SLC20A2: variants seen among roughly 807,000 people sequenced by gnomAD.
The protein encoded by SLC20A2 is sodium-dependent phosphate transporter 2.
In SLC20A2, 30 loss-of-function variants were observed where a neutral mutation model predicts 61.0. That is an observed-to-expected ratio of 0.49 (90% confidence interval 0.37 to 0.67). The LOEUF is 0.67. Ranked by LOEUF, SLC20A2 falls within the 30% of genes least tolerant of loss-of-function variation. The probability of loss-of-function intolerance (pLI) is 0.00; values close to 1 mark genes in which losing one functional copy is unlikely to be tolerated. For missense variants in SLC20A2, 626 were observed against 866.4 expected (o/e 0.72, Z 3.48); for synonymous variants, 351 against 353.3 (o/e 0.99, Z 0.07).
chr8:42,423,398 C>T (rs1803171946), intron 10 of SLC20A2, among the ~76,000 whole-genome samples: 1 of 151,482 alleles, frequency 6.6e-6, no homozygotes, highest in African/African-American at 2.4e-5. Flanking sequence ...CTATGTTGCC[C>T]CAGGCTGGTT....
rs1811302377 is a variant in SLC20A2, at chr8:42,516,022, CTG to C, written c.-265+25797_-265+25798del. On this transcript the variant is annotated intron_variant, in intron 1 of 10. Coordinates refer to the SLC20A2 transcript ENST00000342228. ...GCCAGGACAACTAGTCTAGTGGAGA[CTG>C]TGCTTCCTGAAGCCATAGCGAGGGC... 2.0e-5 allele frequency among the ~76,000 whole-genome samples: 3 copies of C among 152,306 alleles called. No individual in the cohort carries two copies. In the South Asian group the frequency reaches 6.2e-4, roughly 32 times the overall value.
chr8:42,508,974 T>C lies in SLC20A2; in HGVS notation c.-265+32847A>G, dbSNP rs370815189. On this transcript the variant is annotated intron_variant, in intron 1 of 10. Transcript: ENST00000342228. Reference sequence around the variant, plus strand: ...TGCCAGCTTCATCACTTTGTAGTTGTCTTGGGCAATTACTTTCTCACTGTG... The same window carrying C: ...TGCCAGCTTCATCACTTTGTAGTTGCCTTGGGCAATTACTTTCTCACTGTG... Among the ~76,000 whole-genome samples, 40 of 152,334 alleles carry C rather than the reference T, an allele frequency of 2.6e-4. 1 individual carries two copies. In the East Asian group the frequency reaches 6.8e-3, roughly 26 times the overall value.
intron 5 of SLC20A2, among the ~76,000 whole-genome samples, chr8:42,459,082 C>A (rs1212145803): frequency 6.7e-6 from 1 of 148,840 alleles, no homozygotes; most frequent in Non-Finnish European, 1.5e-5. Context: ...ACCAGCCTGG[C>A]CAACATAGTG....
chr8:42,485,155 G>C (rs1808873159), intron 1 of SLC20A2: 1 of 167,506 alleles, frequency 6.0e-6, no homozygotes, highest in Non-Finnish European at 1.3e-5. Flanking sequence ...GAGATGACCA[G>C]GCATCAGAGT....
Position 42,437,643 on chromosome 8 carries a change from G to A in SLC20A2, c.935-66C>T, listed in dbSNP as rs1804398033. On this transcript the variant is annotated intron_variant, in intron 7 of 10. Coordinates refer to ENST00000520262, the MANE Select transcript of SLC20A2 (RefSeq NM_001257180.2). This position sits in a 1 kb window ranked among gnomAD's most constrained non-coding sequence, Gnocchi z 6.4. ...TTTTTTTTTCTTTTCTTTTTGAGAC[G>A]GAGCCTTGCTCTGTCCTCAGGGTGG... 3.0e-6 allele frequency: 4 copies of A among 1,317,370 alleles called. No individual in the cohort carries two copies. Among genetic ancestry groups the A allele is most frequent in the Non-Finnish European group, 4.1e-6 (4 of 983,976 alleles). 81.6% of individuals were successfully genotyped at this position (1,317,370 alleles called of 1,614,324 possible).
At chr8:42,446,807 TA>T (rs1805248796) in intron 5 of SLC20A2, among the ~76,000 whole-genome samples, 1 of 151,932 alleles carries the variant, frequency 6.6e-6, no homozygotes, top group South Asian at 2.1e-4. Flanking sequence ...AGTGGTAACT[TA>T]AAAAATATAT....
Position 42,417,538 on chromosome 8 carries a change from T to C in SLC20A2, c.*265A>G, listed in dbSNP as rs1376497487. On this transcript the variant is annotated 3_prime_UTR_variant, in exon 11 of 11. Transcript: ENST00000520262. ...TTCTATGGATACAATAGATATTTAA[T>C]ATATAAGTAACTGCACCACATTATA... The C allele has an allele frequency of 3.8e-6, 1 of 263,904 alleles. No homozygotes were observed. Among genetic ancestry groups the C allele is most frequent in the East Asian group, 6.6e-5 (1 of 15,122 alleles). 16.3% of individuals were successfully genotyped at this position (263,904 alleles called of 1,614,324 possible). A position where few individuals can be genotyped will look rare whatever the true frequency, so the allele number is the denominator to read the frequency against.
chr8:42,490,290 C>A (rs995752577), intron 1 of SLC20A2, among the ~76,000 whole-genome samples: 1 of 152,126 alleles, frequency 6.6e-6, no homozygotes, highest in Non-Finnish European at 1.5e-5. Context: ...GCTTTTGAGT[C>A]TTTTCAAGTA....
chr8:42,532,246 G>C (rs1028819109), intron 1 of SLC20A2, among the ~76,000 whole-genome samples: 7 of 151,978 alleles, frequency 4.6e-5, no homozygotes, highest in African/African-American at 1.7e-4. Context: ...TTCTTTTCAG[G>C]GACCGTTTAT....
chr8:42,491,351 A>G (rs1809495639), intron 1 of SLC20A2, among the ~76,000 whole-genome samples: 1 of 152,106 alleles, frequency 6.6e-6, no homozygotes, highest in Non-Finnish European at 1.5e-5. Flanking sequence ...CTCTACTAAA[A>G]AAAATTTGCC....
intron 1 of SLC20A2, among the ~76,000 whole-genome samples, chr8:42,498,598 C>G (rs1290948202): frequency 6.6e-6 from 1 of 152,098 alleles, no homozygotes; most frequent in Non-Finnish European, 1.5e-5. Context: ...GACAGCAGTA[C>G]CCCGTATGCC....
intron 6 of SLC20A2, among the ~76,000 whole-genome samples, chr8:42,442,053 C>A (rs1294110848): frequency 6.6e-6 from 1 of 152,120 alleles, no homozygotes; most frequent in African/African-American, 2.4e-5. Flanking sequence ...CCTGCCTCAG[C>A]CTCCCAAGTA....
intron 1 of SLC20A2, among the ~76,000 whole-genome samples, chr8:42,481,165 ATT>A (rs1452473494): frequency 1.3e-5 from 2 of 152,188 alleles, no homozygotes; most frequent in East Asian, 1.9e-4. Flanking sequence ...GCAACCTATA[ATT>A]AAGCTTTTAT....
intron 5 of SLC20A2, among the ~76,000 whole-genome samples, chr8:42,451,986 G>A (rs1444070501): frequency 4.9e-5 from 6 of 122,182 alleles, no homozygotes; most frequent in Admixed American, 3.1e-4. Flanking sequence ...AAGAGGAGGA[G>A]GAGGAAGAGA....
intron 8 of SLC20A2, 145 bp downstream of exon 8, chr8:42,436,844 T>C (rs748102493): frequency 1.0e-5 from 7 of 700,132 alleles, no homozygotes; most frequent in African/African-American, 5.4e-5. Flanking sequence ...TGCTGACTTA[T>C]GGGTCTGTCC....
chr8:42,476,470 G>A (rs1808116157), intron 1 of SLC20A2, among the ~76,000 whole-genome samples: 1 of 152,102 alleles, frequency 6.6e-6, no homozygotes, highest in Non-Finnish European at 1.5e-5. Context: ...CTGTACTACT[G>A]TACATGCTGT....
chr8:42,526,409 C>A (rs545745665), intron 1 of SLC20A2, among the ~76,000 whole-genome samples: 1 of 151,266 alleles, frequency 6.6e-6, no homozygotes, highest in African/African-American at 2.4e-5. Context: ...TGTGGTGGCT[C>A]ACGCCTGTAA....
intron 10 of SLC20A2, among the ~76,000 whole-genome samples, chr8:42,423,700 AT>A (rs1300783129): frequency 6.6e-6 from 1 of 152,172 alleles, no homozygotes; most frequent in Non-Finnish European, 1.5e-5. Flanking sequence ...TAAGACAGTA[AT>A]TTCTGAGTTC....
chr8:42,531,944 G>A (rs796553977), intron 1 of SLC20A2, among the ~76,000 whole-genome samples: 2 of 150,904 alleles, frequency 1.3e-5, no homozygotes, highest in Admixed American at 6.6e-5. Context: ...CCAGCCTCCC[G>A]AGTAGCTGGG....
Sources: gnomAD v4.1 joint callset for allele counts (sites outside exome capture counted in the v4.1 genomes callset) on GRCh38, gnomAD v4.1.1 for gene constraint, Gnocchi (gnomAD v3.1) non-coding constraint, MANE v1.5 for transcripts, NCBI Gene and HGNC (gene_info 2026-07-23, HGNC 2026-07-21) for gene names.